The following ENTREP2 variants were observed in gnomAD, a reference collection of about 807,000 sequenced individuals.
ENTREP2 encodes the protein endosomal transmembrane epsin interactor 2, also known as protein ENTREP2.
the ENTREP2 span, among the ~76,000 whole-genome samples, chr15:29,625,535 A>G: frequency 1.6e-4 from 24 of 152,082 alleles, no homozygotes; most frequent in East Asian, 4.5e-3. Context: ...AGCTAAGACT[A>G]CATGTACTTG....
the ENTREP2 span, among the ~76,000 whole-genome samples, chr15:29,377,863 A>AATAATAATAATAATT: frequency 6.5e-5 from 6 of 92,122 alleles, no homozygotes; most frequent in Admixed American, 5.1e-4. Flanking sequence ...TAATAATAAT[A>AATAATAATAATAATT]AAAAAATGAG....
chr15:29,249,005 C>T, the ENTREP2 span, among the ~76,000 whole-genome samples: 1 of 152,170 alleles, frequency 6.6e-6, no homozygotes, highest in Admixed American at 6.5e-5. Context: ...TAGTCACTAC[C>T]AATAAAGTTG....
At chr15:29,448,429 C>G in the ENTREP2 span, among the ~76,000 whole-genome samples, 1 of 152,206 alleles carries the variant, frequency 6.6e-6, no homozygotes, top group Admixed American at 6.5e-5. Flanking sequence ...AGGATGAGTA[C>G]CCAGGACAGC....
chr15:29,513,872 T>G, the ENTREP2 span, among the ~76,000 whole-genome samples: 2 of 152,166 alleles, frequency 1.3e-5, no homozygotes, highest in Non-Finnish European at 2.9e-5. Context: ...AAGTGCCTCA[T>G]CAATACCTGG....
the ENTREP2 span, among the ~76,000 whole-genome samples, chr15:29,377,859 T>TAATAATAATAATAATAAA: frequency 7.0e-6 from 1 of 142,272 alleles, no homozygotes; most frequent in Non-Finnish European, 1.5e-5. Context: ...ATAATAATAA[T>TAATAATAATAATAATAAA]AATAAAAAAA....
the ENTREP2 span, among the ~76,000 whole-genome samples, chr15:29,518,838 T>G: frequency 6.6e-6 from 1 of 152,142 alleles, no homozygotes; most frequent in Non-Finnish European, 1.5e-5. Context: ...TGACAAAGCC[T>G]CTTATGGCAA....
the ENTREP2 span, among the ~76,000 whole-genome samples, chr15:29,598,538 C>T: frequency 6.6e-6 from 1 of 152,166 alleles, no homozygotes; most frequent in Non-Finnish European, 1.5e-5. Flanking sequence ...CATCATTGCA[C>T]TGATGAGATA....
chr15:29,298,889 C>T, the ENTREP2 span, among the ~76,000 whole-genome samples: 4 of 144,632 alleles, frequency 2.8e-5, no homozygotes, highest in African/African-American at 1.1e-4. Flanking sequence ...GTACCAACCT[C>T]TGATAAGACC....
chr15:29,235,114 TG>T, the ENTREP2 span: 1 of 1,042,550 alleles, frequency 9.6e-7, no homozygotes, highest in Non-Finnish European at 1.5e-6. Context: ...ACAACAGATG[TG>T]GGCAGGAGCC....
the ENTREP2 span, among the ~76,000 whole-genome samples, chr15:29,600,914 T>TTTTTTTTTTTTTTTTA: frequency 6.9e-6 from 1 of 144,190 alleles, no homozygotes; most frequent in Non-Finnish European, 1.5e-5. Context: ...TTTTTTTTTT[T>TTTTTTTTTTTTTTTTA]TGAGACAGAG....
the ENTREP2 span, among the ~76,000 whole-genome samples, chr15:29,449,727 CTTTA>C: frequency 2.0e-5 from 3 of 152,182 alleles, no homozygotes; most frequent in Non-Finnish European, 4.4e-5. Context: ...AGACTCAAGA[CTTTA>C]TTTTTCTCAT....
chr15:29,598,212 T>C, the ENTREP2 span, among the ~76,000 whole-genome samples: 1 of 152,180 alleles, frequency 6.6e-6, no homozygotes, highest in Admixed American at 6.5e-5. Context: ...TTCCCACCAA[T>C]AAATGAACAT....
chr15:29,605,901 T>C, the ENTREP2 span, among the ~76,000 whole-genome samples: 1 of 152,130 alleles, frequency 6.6e-6, no homozygotes, highest in African/African-American at 2.4e-5. Context: ...ATGAATTATT[T>C]GAAGGTAAAT....
At chr15:29,271,696 C>G in the ENTREP2 span, among the ~76,000 whole-genome samples, 2 of 152,136 alleles carry the variant, frequency 1.3e-5, no homozygotes, top group Non-Finnish European at 2.9e-5. Context: ...CAATCACGAC[C>G]CTTTCATGTA....
chr15:29,560,660 C>T, the ENTREP2 span, among the ~76,000 whole-genome samples: 455 of 152,200 alleles, frequency 3.0e-3, 1 homozygote, highest in African/African-American at 0.011. Flanking sequence ...GGGCTACAGT[C>T]TCCACAGGTT....
At chr15:29,551,546 CT>C in the ENTREP2 span, among the ~76,000 whole-genome samples, 1 of 152,294 alleles carries the variant, frequency 6.6e-6, no homozygotes, top group South Asian at 2.1e-4. Flanking sequence ...CAAAACTTCA[CT>C]GTGCATCATA....
At chr15:29,158,836 T>C in the ENTREP2 span, among the ~76,000 whole-genome samples, 1,389 of 152,194 alleles carry the variant, frequency 9.1e-3, 19 homozygotes, top group African/African-American at 0.031. Flanking sequence ...ATGTATCTAA[T>C]AAATGATGTA....
At chr15:29,129,498 T>C in the ENTREP2 span, among the ~76,000 whole-genome samples, 1 of 152,180 alleles carries the variant, frequency 6.6e-6, no homozygotes, top group African/African-American at 2.4e-5. Flanking sequence ...TTTATACATT[T>C]TAGAGACAAG....
the ENTREP2 span, among the ~76,000 whole-genome samples, chr15:29,283,356 C>CT: frequency 6.9e-4 from 105 of 151,568 alleles, 1 homozygote; most frequent in African/African-American, 2.2e-3. Flanking sequence ...ATCTCTTCTT[C>CT]TTTTTTTTTG....
Sources: allele counts gnomAD v4.1 joint callset (sites outside exome capture counted in the v4.1 genomes callset), GRCh38; gene constraint gnomAD v4.1.1; transcripts MANE v1.5; gene names NCBI Gene and HGNC (gene_info 2026-07-23, HGNC 2026-07-21).